The following FAM169A variants were observed in gnomAD, a reference collection of about 807,000 sequenced individuals.
The protein encoded by FAM169A is family with sequence similarity 169 member A.
Under a neutral mutation model 75.7 loss-of-function variants are expected in FAM169A, and 24 were observed. The ratio of observed to expected loss-of-function variants is 0.32; its 90% confidence interval spans 0.23 to 0.45. FAM169A has a LOEUF of 0.45. Ranked by LOEUF, FAM169A falls within the 20% of genes least tolerant of loss-of-function variation. The probability of loss-of-function intolerance (pLI) is 1.00; values close to 1 mark genes in which losing one functional copy is unlikely to be tolerated. For synonymous variants in FAM169A, 271 were observed against 271.0 expected, an observed-to-expected ratio of 1.00 and a Z score of 0.00; for missense variants, 673 against 784.0, an observed-to-expected ratio of 0.86 and a Z score of 1.69.
chr5:74,814,993 T>G (rs1351926827), intron 5 of FAM169A, among the ~76,000 whole-genome samples: 1 of 152,194 alleles, frequency 6.6e-6, no homozygotes, highest in Non-Finnish European at 1.5e-5. Flanking sequence ...TCTCACAAAT[T>G]GTCTTACCAA....
At chr5:74,805,406 C>A (rs1279512226) in intron 6 of FAM169A, 122 bp from the exon 7 acceptor site, 2 of 682,194 alleles carry the variant, frequency 2.9e-6, no homozygotes, top group Non-Finnish European at 4.7e-6. Flanking sequence ...TACCAAAACA[C>A]CAGCAACACA....
intron 6 of FAM169A, among the ~76,000 whole-genome samples, chr5:74,812,013 G>T (rs1219408120): frequency 6.6e-6 from 1 of 152,234 alleles, no homozygotes; most frequent in Admixed American, 6.5e-5. Context: ...GAAGGGGAGT[G>T]AGTCTAATTG....
rs532021394 is a variant in FAM169A, at chr5:74,850,522, A to T, written c.-3-8843T>A. Among the ~76,000 whole-genome samples, 26 of 152,318 alleles carry T rather than the reference A, an allele frequency of 1.7e-4. No homozygotes were observed. In the South Asian group the frequency reaches 4.8e-3, roughly 28 times the overall value. ...CAGCTATATTGCAAAGGATTTTGAG[A>T]GTGTGTGAAAGCTGGTATAAAATAC... is the stretch of plus-strand genomic sequence containing the variant. On this transcript the variant is annotated intron_variant, in intron 1 of 12. Transcript: ENST00000687041.
intron 10 of FAM169A, chr5:74,798,993 A>T: frequency 8.5e-7 from 1 of 1,181,424 alleles, no homozygotes; most frequent in Non-Finnish European, 1.3e-6. Context: ...CACTAAGAAT[A>T]ATGTCACTGC....
chr5:74,838,920 G>T, intron 4 of FAM169A, 45 bp downstream of exon 4: 1 of 1,322,154 alleles, frequency 7.6e-7, no homozygotes, highest in Non-Finnish European at 1.1e-6. Flanking sequence ...GAAACACTGT[G>T]AAATGGCCTC....
intron 5 of FAM169A, among the ~76,000 whole-genome samples, chr5:74,818,913 A>T (rs543529447): frequency 6.6e-6 from 1 of 151,984 alleles, no homozygotes; most frequent in East Asian, 1.9e-4. Flanking sequence ...TTTTTAAAAC[A>T]ACCCAATTAA....
chr5:74,804,911 T>C (rs1287272683), intron 7 of FAM169A, among the ~76,000 whole-genome samples: 1 of 152,166 alleles, frequency 6.6e-6, no homozygotes, highest in East Asian at 1.9e-4. Context: ...TACCCACCAA[T>C]TCCTACTGGG....
intron 1 of FAM169A, among the ~76,000 whole-genome samples, chr5:74,856,768 A>T (rs1042169486): frequency 1.3e-5 from 2 of 151,380 alleles, no homozygotes; most frequent in African/African-American, 4.9e-5. Flanking sequence ...CATGGATCAG[A>T]CAGTATCTGC....
chr5:74,852,342 T>C (rs1487043018), intron 1 of FAM169A, among the ~76,000 whole-genome samples: 1 of 152,144 alleles, frequency 6.6e-6, no homozygotes, highest in African/African-American at 2.4e-5. Context: ...CTTGTGCTAC[T>C]CTCTTGCAAA....
intron 6 of FAM169A, among the ~76,000 whole-genome samples, chr5:74,806,356 A>T (rs1170145758): frequency 6.6e-6 from 1 of 152,208 alleles, no homozygotes; most frequent in Non-Finnish European, 1.5e-5. Flanking sequence ...CCATATAAAA[A>T]AGCAATAAAG....
chr5:74,865,093 G>A (rs1750246031), intron 1 of FAM169A, among the ~76,000 whole-genome samples: 1 of 152,194 alleles, frequency 6.6e-6, no homozygotes, highest in African/African-American at 2.4e-5. Context: ...ACTCCCGATT[G>A]TAATCCCTGT....
chr5:74,791,883 G>C (rs1240476710), intron 11 of FAM169A, among the ~76,000 whole-genome samples: 1 of 152,238 alleles, frequency 6.6e-6, no homozygotes, highest in Non-Finnish European at 1.5e-5. Flanking sequence ...CACGTGACCA[G>C]CTGCAGAAAC....
chr5:74,797,500 C>T (rs1028182525), intron 10 of FAM169A, among the ~76,000 whole-genome samples: 1 of 152,088 alleles, frequency 6.6e-6, no homozygotes, highest in African/African-American at 2.4e-5. Context: ...TTTTATTTAC[C>T]TTATTCATCA....
At chr5:74,855,186 G>GT (rs1316933928) in intron 1 of FAM169A, among the ~76,000 whole-genome samples, 6 of 152,032 alleles carry the variant, frequency 3.9e-5, no homozygotes, top group South Asian at 2.1e-4. Flanking sequence ...ACTGTAGTTT[G>GT]TTTTTTGTTG....
intron 1 of FAM169A, chr5:74,848,546 G>A (rs1271040883): frequency 6.6e-6 from 1 of 152,034 alleles, no homozygotes; most frequent in Non-Finnish European, 1.5e-5. Context: ...ACACGAGAAA[G>A]AGCACTAGAA....
At chr5:74,799,583 A>T (rs1746454096) in intron 10 of FAM169A, 1 of 1,486,618 alleles carries the variant, frequency 6.7e-7, no homozygotes. Context: ...CTGATGTCAG[A>T]GTCTGGTGGC....
intron 5 of FAM169A, among the ~76,000 whole-genome samples, chr5:74,815,690 G>A (rs192871543): frequency 6.6e-6 from 1 of 152,252 alleles, no homozygotes; most frequent in East Asian, 1.9e-4. Flanking sequence ...TGAGACAGGA[G>A]GTTGGCACAA....
At chr5:74,808,544 T>A (rs11739122) in intron 6 of FAM169A, among the ~76,000 whole-genome samples, 1 of 151,948 alleles carries the variant, frequency 6.6e-6, no homozygotes, top group East Asian at 1.9e-4. Context: ...TTGAAAAGCT[T>A]TGGATATAGA....
chr5:74,852,712 T>C (rs529835140), intron 1 of FAM169A, among the ~76,000 whole-genome samples: 87 of 149,714 alleles, frequency 5.8e-4, no homozygotes, highest in Non-Finnish European at 8.1e-4. Context: ...CAAATGGTGG[T>C]GGAAGTACTA....
Sources: gnomAD v4.1 joint callset for allele counts (sites outside exome capture counted in the v4.1 genomes callset) on GRCh38, gnomAD v4.1.1 for gene constraint, MANE v1.5 for transcripts, NCBI Gene and HGNC (gene_info 2026-07-23, HGNC 2026-07-21) for gene names.